The following PAK5 variants were observed in gnomAD, a reference collection of about 807,000 sequenced individuals.
PAK5 encodes the protein serine/threonine-protein kinase PAK 5.
Under a neutral mutation model 65.9 loss-of-function variants are expected in PAK5, and 16 were observed. The observed-to-expected ratio is 0.24, with a 90% CI of 0.16 to 0.37. PAK5 has a LOEUF of 0.37. Among genes scored for constraint, PAK5 ranks in the 10% least tolerant of loss-of-function variants. The probability of loss-of-function intolerance (pLI) is 1.00; values close to 1 mark genes in which losing one functional copy is unlikely to be tolerated. For synonymous variants in PAK5, 371 were observed against 354.9 expected (o/e 1.05, Z -0.51); for missense variants, 785 against 903.9 (o/e 0.87, Z 1.69).
intron 1 of PAK5, among the ~76,000 whole-genome samples, chr20:9,727,097 T>G (rs1406314633): frequency 6.6e-6 from 1 of 152,200 alleles, no homozygotes; most frequent in Middle Eastern, 3.2e-3. Flanking sequence ...CGTGTATACT[T>G]CATTTAACCT....
At chr20:9,713,620 C>T (rs2048105289) in intron 1 of PAK5, among the ~76,000 whole-genome samples, 1 of 97,332 alleles carries the variant, frequency 1.0e-5, no homozygotes, top group African/African-American at 3.6e-5. Flanking sequence ...CTTAAGTTTC[C>T]ATCACTGAAA....
intron 1 of PAK5, among the ~76,000 whole-genome samples, chr20:9,809,335 A>ATTTTTTTT (rs3061945): frequency 7.4e-6 from 1 of 135,322 alleles, no homozygotes; most frequent in Non-Finnish European, 1.5e-5. Context: ...GGCAATCCAA[A>ATTTTTTTT]TTTTTTTTTT....
At chr20:9,803,200 C>A (rs189642772) in intron 1 of PAK5, among the ~76,000 whole-genome samples, 8 of 152,034 alleles carry the variant, frequency 5.3e-5, no homozygotes, top group African/African-American at 1.9e-4. Flanking sequence ...AAAGCAAACA[C>A]TGCACAAGAG....
chr20:9,783,678 A>G lies in PAK5; in HGVS notation c.-162+55084T>C, dbSNP rs144966302. ...TCTAGTGATATTTATTACACAGGCTAAAAGTATGTGATACTTTAAGTCTAA... is the reference window on the plus strand; with the variant it reads ...TCTAGTGATATTTATTACACAGGCTGAAAGTATGTGATACTTTAAGTCTAA... On this transcript the variant is annotated intron_variant, in intron 1 of 9. Transcript: ENST00000353224. Among the ~76,000 whole-genome samples, 213 of 152,332 alleles carry G rather than the reference A, an allele frequency of 1.4e-3. 3 individuals carry two copies. The East Asian group carries it at 0.036, about 26-fold the overall frequency.
Position 9,557,619 on chromosome 20 carries a change from T to C in PAK5, c.1732A>G (p.Ser578Gly), listed in dbSNP as rs777561503. The C allele has an allele frequency of 2.5e-6, 4 of 1,610,182 alleles. No homozygotes were observed. The African/African-American group carries it at 5.3e-5, about 22-fold the overall frequency. Residue 578 changes from serine (S) to glycine (G), a missense_variant, in exon 7 of 10, where the codon AGC becomes GGC. Around this residue, in one of 4 missense-constraint regions of PAK5, gnomAD observed 182 missense variants for 273.0 expected, o/e 0.67. Coordinates refer to ENST00000353224, the MANE Select transcript of PAK5 (RefSeq NM_177990.4). ...DIKSDSILLTSDGRIKLSDFG... is the reference protein window; with the variant it reads ...DIKSDSILLTGDGRIKLSDFG... ...CATGAACATCTTACCCGGCCATCGC[T>C]TGTCAGGAGGATGGAGTCACTTTTT...
In PAK5 at chr20:9,546,369, G is replaced by GT. The variant is rs564194877; in HGVS notation, c.1744-1876dup. Among the ~76,000 whole-genome samples, 8 of 152,138 alleles carry GT rather than the reference G, an allele frequency of 5.3e-5. No homozygotes were observed. In the South Asian group the frequency reaches 1.2e-3, roughly 24 times the overall value. On this transcript the variant is annotated intron_variant, in intron 7 of 9. Transcript: ENST00000353224. ...TTTAGCATTAACTGGAGTTCAATGT[G>GT]TTTTTTTAACAGTTTAAAAATTTAC...
chr20:9,741,114 A>G lies in PAK5; in HGVS notation c.-161-29679T>C, dbSNP rs1207131515. ...GCAAAGTCATCTGCTGGACAATTAT[A>G]ATTTACAAGATTTGTGCACTTTACT... On this transcript the variant is annotated intron_variant, in intron 1 of 9. Coordinates refer to ENST00000353224, the MANE Select transcript of PAK5 (RefSeq NM_177990.4). 2.0e-5 allele frequency among the ~76,000 whole-genome samples: 3 copies of G among 152,302 alleles called. No homozygotes were observed. The East Asian group carries it at 5.8e-4, about 29-fold the overall frequency.
chr20:9,748,493 T>C lies in PAK5; in HGVS notation c.-161-37058A>G, dbSNP rs578169440. On this transcript the variant is annotated intron_variant, in intron 1 of 9. Transcript: ENST00000353224. Reference sequence around the variant, plus strand: ...TGGTACTAGTACCAAAACAGAGATATAGATCAATGGAACAGAACAGAGCCC... The same window carrying C: ...TGGTACTAGTACCAAAACAGAGATACAGATCAATGGAACAGAACAGAGCCC... 1.5e-4 allele frequency among the ~76,000 whole-genome samples: 23 copies of C among 152,202 alleles called. No homozygotes were observed. In the East Asian group the frequency reaches 4.3e-3, roughly 28 times the overall value.
At chr20:9,631,439 C>A (rs1463345099) in intron 3 of PAK5, among the ~76,000 whole-genome samples, 1 of 152,162 alleles carries the variant, frequency 6.6e-6, no homozygotes, top group Non-Finnish European at 1.5e-5. Flanking sequence ...TGCTTTCCTG[C>A]TAGCCTTGAA....
At chr20:9,674,617 T>C (rs2047543939) in intron 2 of PAK5, among the ~76,000 whole-genome samples, 1 of 152,210 alleles carries the variant, frequency 6.6e-6, no homozygotes, top group African/African-American at 2.4e-5. Context: ...TTGGCAGGAT[T>C]CTTGCTGCCT....
chr20:9,687,931 T>C (rs2123423893), intron 2 of PAK5, among the ~76,000 whole-genome samples: 1 of 151,904 alleles, frequency 6.6e-6, no homozygotes, highest in East Asian at 1.9e-4. Context: ...TGTGCATCTG[T>C]GTGTATGTGT....
At chr20:9,810,292 G>A (rs113031961) in intron 1 of PAK5, among the ~76,000 whole-genome samples, 191 of 152,350 alleles carry the variant, frequency 1.3e-3, no homozygotes, top group Admixed American at 3.7e-3. Context: ...GTATCAAACA[G>A]CCAGCCGTTG....
At chr20:9,619,865 C>T (rs2046738689) in intron 3 of PAK5, among the ~76,000 whole-genome samples, 1 of 152,242 alleles carries the variant, frequency 6.6e-6, no homozygotes, top group Non-Finnish European at 1.5e-5. Flanking sequence ...CTCAACCAAT[C>T]ATCAGTGCTC....
rs1600425904 is a variant in PAK5 at position 9,834,020 on chromosome 20, C to T, written c.-162+4742G>A. ...AATTTTTGAACATGTATTTTATAAC[C>T]AAAAACATTACTGAAATTTTGTACT... On this transcript the variant is annotated intron_variant, in intron 1 of 9. Coordinates refer to ENST00000353224, the MANE Select transcript of PAK5 (RefSeq NM_177990.4). 2.6e-5 allele frequency among the ~76,000 whole-genome samples: 4 copies of T among 152,168 alleles called. 1 individual carries two copies. Among genetic ancestry groups the T allele is most frequent in the Middle Eastern group, 3.4e-3 (1 of 294 alleles).
chr20:9,801,985 G>A (rs78830386), intron 1 of PAK5, among the ~76,000 whole-genome samples: 3,678 of 152,282 alleles, frequency 0.024, 135 homozygotes, highest in African/African-American at 0.079. Context: ...CTGGCCACCA[G>A]TAAGGTTGGC....
chr20:9,683,684 T>C (rs1351557698), intron 2 of PAK5, among the ~76,000 whole-genome samples: 1 of 152,150 alleles, frequency 6.6e-6, no homozygotes, highest in Non-Finnish European at 1.5e-5. Context: ...GGCCAGGGTA[T>C]TTCTTTCCTT....
At chr20:9,726,794 G>T (rs900039534) in intron 1 of PAK5, among the ~76,000 whole-genome samples, 2 of 152,142 alleles carry the variant, frequency 1.3e-5, no homozygotes, top group Non-Finnish European at 2.9e-5. Flanking sequence ...TAACAAACCT[G>T]CACATTCTGC....
At chr20:9,606,046 C>A (rs2046448111) in intron 3 of PAK5, among the ~76,000 whole-genome samples, 1 of 152,150 alleles carries the variant, frequency 6.6e-6, no homozygotes, top group Non-Finnish European at 1.5e-5. Context: ...GGATCTGTGT[C>A]CCTGCCCAAA....
chr20:9,648,497 T>G (rs1043963252), intron 2 of PAK5, among the ~76,000 whole-genome samples: 4 of 151,960 alleles, frequency 2.6e-5, no homozygotes, highest in Non-Finnish European at 4.4e-5. Context: ...CATAAACAGT[T>G]TAGGCACAGC....
Sources: allele counts gnomAD v4.1 joint callset (sites outside exome capture counted in the v4.1 genomes callset), GRCh38; gene constraint gnomAD v4.1.1; regional missense constraint gnomAD v4.1.1; transcripts MANE v1.5; gene names NCBI Gene and HGNC (gene_info 2026-07-23, HGNC 2026-07-21).